Variants in PDE6C observed in about 807,000 individuals in gnomAD.
The protein encoded by PDE6C is phosphodiesterase 6C, also known as cone cGMP-specific 3',5'-cyclic phosphodiesterase subunit alpha'.
In PDE6C, 75 loss-of-function variants were observed where a neutral mutation model predicts 113.1. The ratio of observed to expected loss-of-function variants is 0.66; its 90% CI spans 0.55 to 0.80. The LOEUF (loss-of-function observed/expected upper bound fraction) is 0.80. Among genes scored for constraint, PDE6C ranks in the 30% least tolerant of loss-of-function variants. The pLI is 0.00. For synonymous variants in PDE6C, 375 were observed against 363.7 expected, an observed-to-expected ratio of 1.03 and a Z score of -0.35; for missense variants, 912 against 1,038.6, an observed-to-expected ratio of 0.88 and a Z score of 1.67.
rs780667399 is a variant in PDE6C at position 93,612,771 on chromosome 10, A to C, written c.46A>C (p.Asn16His). ...QVAVEKYLEE[N>H]PQFAKEYFDR... ...TGCCGTGGAGAAATACCTGGAGGAG[A>C]ACCCTCAGTTTGCCAAGGAGTACTT... Residue 16 changes from asparagine to histidine, a missense_variant, in exon 1 of 22, where the codon AAC (asparagine) becomes CAC (histidine). By Grantham distance (68) the Asn-to-His change is moderately conservative (BLOSUM62 1). Coordinates refer to ENST00000371447, the MANE Select transcript of PDE6C (RefSeq NM_006204.4). 4.2e-5 allele frequency: 67 copies of C among 1,614,004 alleles called. No homozygotes were observed. Among genetic ancestry groups the C allele is most frequent in the Middle Eastern group, 1.7e-4 (1 of 6,054 alleles).
At chr10:93,658,669 C>T (rs972382242) in intron 16 of PDE6C, among the ~76,000 whole-genome samples, 3 of 143,720 alleles carry the variant, frequency 2.1e-5, no homozygotes, top group African/African-American at 8.0e-5. Context: ...TTTGTTTTTC[C>T]CTCTCTCTCT....
rs2058441157 is a variant in PDE6C at position 93,620,662 on chromosome 10, C to T, written c.511C>T (p.Gln171Ter). Residue 171 changes from glutamine to a stop codon, truncating the protein, a stop_gained, in exon 2 of 22, where the codon CAA (glutamine) becomes TAA (stop). Coordinates refer to ENST00000371447, the MANE Select transcript of PDE6C (RefSeq NM_006204.4). LOFTEE classifies it high-confidence loss of function. ...CCATTTTTCTGACTTCATGGACAAG[C>T]AAACTGGGTATGTCACTAAGAACCT... is the stretch of plus-strand genomic sequence containing the variant. ...NSHFSDFMDK[Q>*]TGYVTKNLLA... The T allele has an allele frequency of 6.2e-7, 1 of 1,614,054 alleles. No homozygotes were observed. Among genetic ancestry groups the T allele is most frequent in the South Asian group, 1.1e-5 (1 of 91,092 alleles).
chr10:93,662,727 C>T (rs1283122030), intron 20 of PDE6C, 84 bp downstream of exon 20: 3 of 766,354 alleles, frequency 3.9e-6, no homozygotes, highest in Non-Finnish European at 7.0e-6. Flanking sequence ...ATTTAGAAGT[C>T]ACCCATACGG....
In PDE6C at chr10:93,659,224, T is replaced by C. The variant is rs574128617; in HGVS notation, c.2208+57T>C. 43 of 1,167,884 alleles carry C rather than the reference T, an allele frequency of 3.7e-5. No homozygotes were observed. In the East Asian group the frequency reaches 1.0e-3, roughly 28 times the overall value. 72.3% of individuals were successfully genotyped at this position (1,167,884 alleles called of 1,614,324 possible). ...ACTGTCAGGTACTGCCTAGGTCCCA[T>C]GTAAATGTCCACCTAAAGATCTCAG... On this transcript the variant is annotated intron_variant, in intron 18 of 21. Transcript: ENST00000371447.
At chr10:93,652,491 T>C (rs2058613713) in intron 15 of PDE6C, among the ~76,000 whole-genome samples, 1 of 152,214 alleles carries the variant, frequency 6.6e-6, no homozygotes, top group Non-Finnish European at 1.5e-5. Context: ...AATGCAGATA[T>C]GTAGTGCTAT....
intron 16 of PDE6C, among the ~76,000 whole-genome samples, chr10:93,656,462 G>A (rs1349550377): frequency 1.3e-5 from 2 of 152,126 alleles, no homozygotes; most frequent in East Asian, 3.9e-4. Context: ...TGATGAAAAT[G>A]GGTTAGAACA....
intron 7 of PDE6C, among the ~76,000 whole-genome samples, chr10:93,627,746 G>A (rs186804180): frequency 1.3e-5 from 2 of 152,312 alleles, no homozygotes; most frequent in East Asian, 3.9e-4. Context: ...GTTGAAGGGT[G>A]CTCAGCCCAT....
Position 93,612,894 on chromosome 10 carries a change from G to A in PDE6C, c.169G>A (p.Glu57Lys). The A allele has an allele frequency of 6.2e-7, 1 of 1,614,076 alleles. No individual in the cohort carries two copies. ...SMSFSELTQV[E>K]ESALCLELLW... is the part of the protein sequence containing the mutation. The stretch of plus-strand genomic sequence containing the variant: ...GTCCTTCTCTGAGCTGACCCAGGTG[G>A]AGGAGTCAGCCCTGTGCTTGGAGCT... Residue 57 changes from glutamate to lysine, a missense_variant, in exon 1 of 22, where the codon GAG becomes AAG. By Grantham distance (56) the Glu-to-Lys change is moderately conservative. Transcript: ENST00000371447.
intron 4 of PDE6C, among the ~76,000 whole-genome samples, chr10:93,623,298 AT>A (rs1410666187): frequency 2.6e-5 from 4 of 151,958 alleles, no homozygotes; most frequent in Admixed American, 6.6e-5. Context: ...TTTTGCCCAC[AT>A]TTTTTTATGT....
At chr10:93,626,983 C>T (rs2785138) in intron 7 of PDE6C, 112 bp downstream of exon 7, 2 of 968,934 alleles carry the variant, frequency 2.1e-6, no homozygotes, top group Admixed American at 2.0e-5. Context: ...GCTAGATGGG[C>T]CGGGCGCGGT....
intron 8 of PDE6C, 57 bp downstream of exon 8, chr10:93,629,362 C>T (rs964159520): frequency 3.9e-6 from 5 of 1,276,426 alleles, no homozygotes; most frequent in Non-Finnish European, 4.6e-6. Context: ...GGAGTGGATG[C>T]TCTCGCCTCT....
intron 18 of PDE6C, among the ~76,000 whole-genome samples, chr10:93,660,856 T>C (rs751194732): frequency 4.6e-5 from 7 of 152,078 alleles, no homozygotes; most frequent in Non-Finnish European, 7.4e-5. Context: ...AGCAGCCTCC[T>C]AATAGATGCT....
intron 18 of PDE6C, 117 bp downstream of exon 18, chr10:93,659,284 G>A (rs1014160136): frequency 1.4e-6 from 1 of 734,876 alleles, no homozygotes; most frequent in Non-Finnish European, 2.4e-6. Flanking sequence ...ACAAATATTA[G>A]TGAGACAGTA....
intron 8 of PDE6C, among the ~76,000 whole-genome samples, chr10:93,633,278 C>T (rs2058510649): frequency 6.6e-6 from 1 of 151,858 alleles, no homozygotes; most frequent in Non-Finnish European, 1.5e-5. Flanking sequence ...TCAGCCTGGC[C>T]AACATGGTAA....
chr10:93,634,770 G>A lies in PDE6C; in HGVS notation c.1132G>A (p.Asp378Asn). 1 of 1,614,108 alleles carries A rather than the reference G, an allele frequency of 6.2e-7. No homozygotes were observed. The highest frequency in any genetic ancestry group is 8.5e-7 in the Non-Finnish European group (1 of 1,179,996). The change falls in exon 9 of 22, where the codon GAC (aspartate) becomes AAC (asparagine). Residue 378 changes from aspartate to asparagine, a missense_variant. Asp to Asn is a conservative substitution (Grantham distance 23). Coordinates refer to ENST00000371447, the MANE Select transcript of PDE6C (RefSeq NM_006204.4). The part of the protein sequence containing the change: ...EYFTFQKGPV[D>N]ETGWVIKNVL... ...TTCTCGTTTGTAGAAAGGACCTGTA[G>A]ACGAAACTGGTTGGGTCATTAAGAA...
At chr10:93,639,187 G>T (rs1043517942) in intron 11 of PDE6C, among the ~76,000 whole-genome samples, 4 of 152,076 alleles carry the variant, frequency 2.6e-5, no homozygotes, top group African/African-American at 9.7e-5. Flanking sequence ...TGCCAGCTCA[G>T]CTGCATGCAT....
rs1227480237 is a variant in PDE6C, at chr10:93,654,778, CTTTCTTTCTT to C, written c.1936-980_1936-971del. Among the ~76,000 whole-genome samples, 9 of 60,344 alleles carry C rather than the reference CTTTCTTTCTT, an allele frequency of 1.5e-4. 1 individual carries two copies. Among genetic ancestry groups the C allele is most frequent in the African/African-American group, 5.4e-4 (9 of 16,702 alleles). The allele number at this position is 60,344 out of a possible 152,430, so 39.6% of individuals were successfully genotyped here. A position where few individuals can be genotyped will look rare whatever the true frequency, so the allele number is the denominator to read the frequency against. On this transcript the variant is annotated intron_variant, in intron 15 of 21. Coordinates refer to ENST00000371447, the MANE Select transcript of PDE6C (RefSeq NM_006204.4). ...TCTTTCTTTCTTTCTTTCTTTCTTT[CTTTCTTTCTT>C]TCTTTCTTTCTTTCTTTCTTTCTTT...
chr10:93,639,074 T>G (rs962768651), intron 11 of PDE6C, among the ~76,000 whole-genome samples: 1 of 152,212 alleles, frequency 6.6e-6, no homozygotes, highest in African/African-American at 2.4e-5. Context: ...CCCATTGAAC[T>G]GAATCTCTCC....
At chr10:93,627,940 G>T (rs758512205) in intron 7 of PDE6C, among the ~76,000 whole-genome samples, 23 of 152,176 alleles carry the variant, frequency 1.5e-4, no homozygotes, top group Non-Finnish European at 2.4e-4. Flanking sequence ...TTACCTTGGG[G>T]CCGAGAGGCA....
Sources: gnomAD v4.1 joint callset for allele counts (sites outside exome capture counted in the v4.1 genomes callset) on GRCh38, gnomAD v4.1.1 for gene constraint, MANE v1.5 for transcripts, NCBI Gene and HGNC (gene_info 2026-07-23, HGNC 2026-07-21) for gene names.